MAP3K2: variants seen among roughly 807,000 people sequenced by gnomAD.
The protein encoded by MAP3K2 is MAP/ERK kinase kinase 2.
In MAP3K2, 24 loss-of-function variants were observed where a neutral mutation model predicts 80.3. The observed-to-expected ratio is 0.30, with a 90% CI of 0.22 to 0.42. The LOEUF (loss-of-function observed/expected upper bound fraction) is 0.42. MAP3K2 is among the 10% of genes least tolerant of loss of function. MAP3K2 has a pLI of 1.00. For synonymous variants in MAP3K2, 244 were observed against 253.7 expected (o/e 0.96, Z 0.36); for missense variants, 608 against 750.1 (o/e 0.81, Z 2.21).
At chr2:127,308,809 C>T in intron 15 of MAP3K2, 47 bp from the exon 16 acceptor site, 4 of 1,562,864 alleles carry the variant, frequency 2.6e-6, no homozygotes, top group African/African-American at 1.4e-5. Flanking sequence ...TTGGCAGTCT[C>T]GAATATAGCA....
chr2:127,375,433 C>T (rs191082439), intron 1 of MAP3K2, among the ~76,000 whole-genome samples: 3 of 147,502 alleles, frequency 2.0e-5, no homozygotes, highest in African/African-American at 7.5e-5. Flanking sequence ...TTTTTTGAGA[C>T]AGAGTCTCAC....
Position 127,305,068 on chromosome 2 carries a change from A to T in MAP3K2, c.*2511T>A, listed in dbSNP as rs973380804. 6.6e-6 allele frequency: 1 copy of T among 152,432 alleles called. No homozygotes were observed. The highest frequency in any genetic ancestry group is 1.5e-5 in the Non-Finnish European group (1 of 67,986). 9.4% of individuals were successfully genotyped at this position (152,432 alleles called of 1,614,324 possible). A position where few individuals can be genotyped will look rare whatever the true frequency, so the allele number is the denominator to read the frequency against. On this transcript the variant is annotated 3_prime_UTR_variant, in exon 17 of 17. Coordinates refer to ENST00000682094, the MANE Select transcript of MAP3K2 (RefSeq NM_001371910.2). ...TTATTTTCTATAGCATTTAGAAAAG[A>T]AAACAGAGACTGAAAAAAAAACAGT...
intron 1 of MAP3K2, among the ~76,000 whole-genome samples, chr2:127,367,700 C>A (rs1190813196): frequency 6.6e-6 from 1 of 151,632 alleles, no homozygotes; most frequent in Non-Finnish European, 1.5e-5. Context: ...GGCTGAGGCA[C>A]GAGAATGGCT....
intron 1 of MAP3K2, among the ~76,000 whole-genome samples, chr2:127,346,409 T>TAAAAAAAAAAAAAAAA (rs1223353072): frequency 2.3e-5 from 2 of 85,358 alleles, no homozygotes; most frequent in African/African-American, 4.1e-5. Flanking sequence ...AAAACTGGTT[T>TAAAAAAAAAAAAAAAA]TAAAAAAAAA....
chr2:127,364,931 C>T lies in MAP3K2; in HGVS notation c.-65-21737G>A, dbSNP rs1366177872. 2.6e-5 allele frequency among the ~76,000 whole-genome samples: 4 copies of T among 151,796 alleles called. No homozygotes were observed. The highest frequency in any genetic ancestry group is 2.1e-4 in the South Asian group (1 of 4,806). On this transcript the variant is annotated intron_variant, in intron 1 of 16. Transcript: ENST00000682094. This position sits in a 1 kb window ranked among gnomAD's most constrained non-coding sequence, Gnocchi z 4.1. The stretch of plus-strand genomic sequence containing the variant: ...TCACCTGAGGTCAGGAGTTTGAGAC[C>T]GGCCTGGCCAACATGGCAAAACCCT...
chr2:127,318,197 A>G lies in MAP3K2; in HGVS notation c.1166T>C (p.Phe389Ser). ...GCTGGTCTCAGGACTATCGGGGTCA[A>G]ATTGAACTTGCTTAACAGCCAATTC... ...GRELAVKQVQFDPDSPETSKE... is the reference protein window; with the variant it reads ...GRELAVKQVQSDPDSPETSKE... The change falls in exon 13 of 17, where the codon TTT becomes TCT. Residue 389 changes from phenylalanine to serine, a missense_variant. Coordinates refer to ENST00000682094, the MANE Select transcript of MAP3K2 (RefSeq NM_001371910.2). 1 of 1,609,184 alleles carries G rather than the reference A, an allele frequency of 6.2e-7. No homozygotes were observed. Among genetic ancestry groups the G allele is most frequent in the South Asian group, 1.1e-5 (1 of 89,976 alleles).
intron 2 of MAP3K2, among the ~76,000 whole-genome samples, chr2:127,342,814 G>A (rs1686523559): frequency 6.6e-6 from 1 of 152,118 alleles, no homozygotes; most frequent in South Asian, 2.1e-4. Context: ...ATGATTTGCT[G>A]CTCTATGAAT....
At chr2:127,313,824 T>C (rs1301741156) in intron 15 of MAP3K2, among the ~76,000 whole-genome samples, 2 of 152,182 alleles carry the variant, frequency 1.3e-5, no homozygotes, top group South Asian at 2.1e-4. Flanking sequence ...GGAATCATCA[T>C]TATGTGGCAC....
At chr2:127,375,405 T>A (rs964518990) in intron 1 of MAP3K2, among the ~76,000 whole-genome samples, 16 of 142,308 alleles carry the variant, frequency 1.1e-4, no homozygotes, top group Admixed American at 6.9e-5. Context: ...TATTATTATT[T>A]ATTTATTTAT....
intron 15 of MAP3K2, among the ~76,000 whole-genome samples, chr2:127,313,346 C>T (rs142427346): frequency 3.3e-5 from 5 of 152,302 alleles, no homozygotes; most frequent in African/African-American, 4.8e-5. Flanking sequence ...TATCAGGTTT[C>T]GTACTTAACA....
intron 1 of MAP3K2, among the ~76,000 whole-genome samples, chr2:127,352,847 C>T (rs1167964952): frequency 1.3e-5 from 2 of 152,130 alleles, no homozygotes; most frequent in African/African-American, 2.4e-5. Flanking sequence ...TGCAGGTGCG[C>T]GCCGCCATGC....
intron 1 of MAP3K2, among the ~76,000 whole-genome samples, chr2:127,357,494 A>AAGAAT (rs1332882096): frequency 6.6e-6 from 1 of 152,212 alleles, no homozygotes; most frequent in Non-Finnish European, 1.5e-5. Context: ...TTGAATACAG[A>AAGAAT]AGAATAGAAC....
At chr2:127,319,650 CAAAAAAAAAAAAAAAAAAAAA>C (rs57472022) in intron 12 of MAP3K2, among the ~76,000 whole-genome samples, 1 of 71,828 alleles carries the variant, frequency 1.4e-5, no homozygotes, top group African/African-American at 5.8e-5. Context: ...ACTAAAAATA[CAAAAAAAAAAAAAAAAAAAAA>C]AAAAAAAGAA....
chr2:127,377,237 T>C (rs1395855573), intron 1 of MAP3K2, among the ~76,000 whole-genome samples: 1 of 152,202 alleles, frequency 6.6e-6, no homozygotes, highest in Non-Finnish European at 1.5e-5. Context: ...TTTATTGTCA[T>C]CCCACTGAAA....
chr2:127,372,512 A>C (rs1464862553), intron 1 of MAP3K2, among the ~76,000 whole-genome samples: 1 of 152,172 alleles, frequency 6.6e-6, no homozygotes, highest in East Asian at 1.9e-4. Flanking sequence ...GAAACAAAAA[A>C]TTGTTGGCAT....
intron 12 of MAP3K2, 147 bp from the exon 13 acceptor site, chr2:127,318,464 A>T: frequency 1.8e-6 from 1 of 559,662 alleles, no homozygotes; most frequent in Non-Finnish European, 2.7e-6. Context: ...ATTCACAGTT[A>T]CCGTCTTTCA....
intron 1 of MAP3K2, among the ~76,000 whole-genome samples, chr2:127,359,821 A>G (rs974799369): frequency 6.6e-6 from 1 of 152,192 alleles, no homozygotes; most frequent in Non-Finnish European, 1.5e-5. Flanking sequence ...GCCTTCTGCC[A>G]TGATTTTAAG....
chr2:127,343,978 C>G (rs573377539), intron 1 of MAP3K2, among the ~76,000 whole-genome samples: 38 of 151,662 alleles, frequency 2.5e-4, no homozygotes, highest in South Asian at 2.1e-3. Context: ...CTGTGGCACT[C>G]CAGTCTGGGC....
chr2:127,325,141 G>C (rs1410131409), intron 9 of MAP3K2, among the ~76,000 whole-genome samples: 1 of 152,086 alleles, frequency 6.6e-6, no homozygotes, highest in African/African-American at 2.4e-5. Context: ...TTCTAAATTT[G>C]ATTTGCCTTC....
Sources: gnomAD v4.1 joint callset for allele counts (sites outside exome capture counted in the v4.1 genomes callset) on GRCh38, gnomAD v4.1.1 for gene constraint, Gnocchi (gnomAD v3.1) non-coding constraint, MANE v1.5 for transcripts, NCBI Gene and HGNC (gene_info 2026-07-23, HGNC 2026-07-21) for gene names.